The following FGF10 variants were observed in gnomAD, a reference collection of about 807,000 sequenced individuals.
The protein encoded by FGF10 is fibroblast growth factor 10.
Under a neutral mutation model 19.8 loss-of-function variants are expected in FGF10, and 2 were observed. The ratio of observed to expected loss-of-function variants is 0.10; its 90% CI spans 0.04 to 0.32. The LOEUF (loss-of-function observed/expected upper bound fraction) is 0.32. FGF10 is among the 10% of genes least tolerant of loss of function. The pLI, the probability that FGF10 is intolerant of heterozygous loss-of-function variation, is 1.00. For missense variants in FGF10, 191 were observed against 246.3 expected, an observed-to-expected ratio of 0.78 and a Z score of 1.50; for synonymous variants, 112 against 94.0, an observed-to-expected ratio of 1.19 and a Z score of -1.10.
At chr5:44,360,003 C>A (rs1030357187) in intron 1 of FGF10, among the ~76,000 whole-genome samples, 3 of 151,558 alleles carry the variant, frequency 2.0e-5, no homozygotes, top group Non-Finnish European at 4.4e-5. Context: ...TACCTATATC[C>A]TTTTAAGAAC....
rs1445666761 is a variant in FGF10, at chr5:44,310,538, A to G, written c.326-8T>C. 1.8e-5 allele frequency: 29 copies of G among 1,587,436 alleles called. No individual in the cohort carries two copies. Among genetic ancestry groups the G allele is most frequent in the East Asian group, 4.5e-5 (2 of 44,546 alleles). ...ATGTTATCTCCAGGATGCCTAAAAC[A>G]TACAATTTTAAAAGGCTAAATAAAG... On this transcript the variant is annotated splice_polypyrimidine_tract_variant and splice_region_variant and intron_variant, in intron 1 of 2. Coordinates refer to ENST00000264664, the MANE Select transcript of FGF10 (RefSeq NM_004465.2).
Position 44,388,832 on chromosome 5 carries a change from A to G in FGF10, c.-150T>C. 1 of 762,726 alleles carries G rather than the reference A, an allele frequency of 1.3e-6. No individual in the cohort carries two copies. The highest frequency in any genetic ancestry group is 1.5e-5 in the South Asian group (1 of 66,868). 47.2% of individuals were successfully genotyped at this position (762,726 alleles called of 1,614,324 possible). On this transcript the variant is annotated 5_prime_UTR_variant, in exon 1 of 3. Transcript: ENST00000264664. Reference sequence around the variant, plus strand: ...GATCTGGCCAGAAGTGAATGCACCAACATCCATAACTCCTCGGAAAAGCCG... The same window carrying G: ...GATCTGGCCAGAAGTGAATGCACCAGCATCCATAACTCCTCGGAAAAGCCG...
At chr5:44,359,483 T>C (rs1240169032) in intron 1 of FGF10, among the ~76,000 whole-genome samples, 2 of 151,462 alleles carry the variant, frequency 1.3e-5, no homozygotes, top group African/African-American at 4.8e-5. Context: ...AGATAAATCT[T>C]TTCTAGACCA....
At chr5:44,338,586 G>A (rs1740901724) in intron 1 of FGF10, among the ~76,000 whole-genome samples, 1 of 152,156 alleles carries the variant, frequency 6.6e-6, no homozygotes, top group Non-Finnish European at 1.5e-5. Flanking sequence ...GTGTTTAAAA[G>A]ATCAGCAAAG....
chr5:44,382,766 A>G (rs1042503838), intron 1 of FGF10, among the ~76,000 whole-genome samples: 2 of 152,168 alleles, frequency 1.3e-5, no homozygotes, highest in African/African-American at 4.8e-5. Flanking sequence ...CTGTATTAAA[A>G]TTACATAAAC....
intron 1 of FGF10, among the ~76,000 whole-genome samples, chr5:44,336,812 C>T (rs904978871): frequency 6.6e-6 from 1 of 152,072 alleles, no homozygotes; most frequent in African/African-American, 2.4e-5. Flanking sequence ...CCTTGTTTTG[C>T]ATATTTCAGA....
chr5:44,310,349 C>T (rs968101355), intron 2 of FGF10, 78 bp downstream of exon 2: 6 of 906,398 alleles, frequency 6.6e-6, no homozygotes, highest in East Asian at 2.6e-5. Flanking sequence ...CAAAGCTATT[C>T]GGTGTCTGGA....
At chr5:44,307,314 T>C (rs892979459) in intron 2 of FGF10, among the ~76,000 whole-genome samples, 1 of 152,150 alleles carries the variant, frequency 6.6e-6, no homozygotes, top group African/African-American at 2.4e-5. Flanking sequence ...AAATTCAGGC[T>C]ACAGCAAGGA....
chr5:44,325,492 C>A (rs1195894894), intron 1 of FGF10, among the ~76,000 whole-genome samples: 3 of 152,058 alleles, frequency 2.0e-5, no homozygotes, highest in African/African-American at 4.8e-5. Context: ...ACGCAAATGT[C>A]CAACAATGAT....
chr5:44,387,385 A>C (rs960665284), intron 1 of FGF10, among the ~76,000 whole-genome samples: 1 of 152,188 alleles, frequency 6.6e-6, no homozygotes, highest in Admixed American at 6.5e-5. Flanking sequence ...AAATGTAGGG[A>C]TCCCAGGCAT....
intron 1 of FGF10, among the ~76,000 whole-genome samples, chr5:44,372,986 A>G (rs1741775841): frequency 6.6e-6 from 1 of 152,136 alleles, no homozygotes; most frequent in Admixed American, 6.6e-5. Context: ...CTTTAAAGCT[A>G]TCATGTGTTT....
At position 44,302,168 on chromosome 5, in the gene FGF10, T is replaced by G. The variant is rs902258857; in HGVS notation, c.*2827A>C. On this transcript the variant is annotated 3_prime_UTR_variant, in exon 3 of 3. Transcript: ENST00000264664. Reference sequence around the variant, plus strand: ...AAAGGGACCAGAATTCTATTTCCATTTCAAGCAAATATGCCACTTTTAAAT... The same window carrying G: ...AAAGGGACCAGAATTCTATTTCCATGTCAAGCAAATATGCCACTTTTAAAT... 6.6e-5 allele frequency among the ~76,000 whole-genome samples: 10 copies of G among 152,010 alleles called. No homozygotes were observed. Among genetic ancestry groups the G allele is most frequent in the Non-Finnish European group, 1.2e-4 (8 of 67,986 alleles).
chr5:44,336,503 C>T (rs1276513908), intron 1 of FGF10, among the ~76,000 whole-genome samples: 2 of 152,000 alleles, frequency 1.3e-5, no homozygotes, highest in Non-Finnish European at 2.9e-5. Context: ...TTCCCCACAC[C>T]CTCCTCCTCC....
intron 1 of FGF10, among the ~76,000 whole-genome samples, chr5:44,345,247 G>T (rs1177869789): frequency 4.6e-5 from 7 of 151,590 alleles, no homozygotes; most frequent in Non-Finnish European, 1.0e-4. Context: ...AATGAATATA[G>T]AATGAGAAAA....
At chr5:44,318,188 T>C (rs1250543996) in intron 1 of FGF10, among the ~76,000 whole-genome samples, 3 of 152,048 alleles carry the variant, frequency 2.0e-5, no homozygotes, top group Non-Finnish European at 4.4e-5. Context: ...TTGCGGGAAA[T>C]GGTACAAGAC....
intron 2 of FGF10, 127 bp from the exon 3 acceptor site, chr5:44,305,319 A>G (rs1740051140): frequency 1.3e-6 from 1 of 768,086 alleles, no homozygotes; most frequent in East Asian, 2.6e-5. Flanking sequence ...TAAGTTGTGC[A>G]CTTAATACAT....
intron 1 of FGF10, among the ~76,000 whole-genome samples, chr5:44,328,338 C>A (rs1219207383): frequency 2.6e-5 from 4 of 152,094 alleles, no homozygotes; most frequent in African/African-American, 7.2e-5. Context: ...AACATATAAC[C>A]AGTTGTTTTC....
chr5:44,376,988 C>G (rs747924869), intron 1 of FGF10, among the ~76,000 whole-genome samples: 7 of 152,090 alleles, frequency 4.6e-5, no homozygotes, highest in Non-Finnish European at 2.9e-5. Context: ...ACAGACTTCC[C>G]TCTCACATGA....
chr5:44,301,623 C>T lies in FGF10; in HGVS notation c.*3372G>A, dbSNP rs543396735. Among the ~76,000 whole-genome samples the T allele has an allele frequency of 2.0e-5, 3 of 152,100 alleles. No homozygotes were observed. Among genetic ancestry groups the T allele is most frequent in the East Asian group, 1.9e-4 (1 of 5,192 alleles). ...TTATCCACTGTGTAAATTAGGTGGA[C>T]CTGAATATTTAGAAAAGATTGAAAG... On this transcript the variant is annotated 3_prime_UTR_variant, in exon 3 of 3. Transcript: ENST00000264664.
Sources: gnomAD v4.1 joint callset for allele counts (sites outside exome capture counted in the v4.1 genomes callset) on GRCh38, gnomAD v4.1.1 for gene constraint, MANE v1.5 for transcripts, NCBI Gene and HGNC (gene_info 2026-07-23, HGNC 2026-07-21) for gene names.